CLEC16A: variants seen among roughly 807,000 people sequenced by gnomAD.
CLEC16A encodes the protein C-type lectin domain containing 16A, also known as protein CLEC16A.
Under a neutral mutation model 109.5 loss-of-function variants are expected in CLEC16A, and 51 were observed. The observed-to-expected ratio is 0.47, with a 90% CI of 0.37 to 0.59. The LOEUF (loss-of-function observed/expected upper bound fraction) is 0.59. CLEC16A is among the 20% of genes least tolerant of loss of function. The pLI is 0.00. For synonymous variants in CLEC16A, 673 were observed against 564.2 expected (o/e 1.19, Z -2.73); for missense variants, 1,339 against 1,394.0 (o/e 0.96, Z 0.63).
chr16:11,054,203 G>T (rs76332866), intron 18 of CLEC16A, among the ~76,000 whole-genome samples: 267 of 152,354 alleles, frequency 1.8e-3, no homozygotes, highest in Non-Finnish European at 3.3e-3. Flanking sequence ...TGCCCTGCTG[G>T]GCTGGGGCAG....
At chr16:10,955,420 T>C (rs1414604629) in intron 1 of CLEC16A, among the ~76,000 whole-genome samples, 1 of 151,860 alleles carries the variant, frequency 6.6e-6, no homozygotes, top group African/African-American at 2.4e-5. Context: ...CAAATGAGGG[T>C]GGGCTGTGCA....
intron 6 of CLEC16A, 31 bp from the exon 7 acceptor site, chr16:10,972,907 G>T: frequency 2.6e-6 from 4 of 1,544,304 alleles, no homozygotes; most frequent in East Asian, 2.3e-5. Flanking sequence ...TTGGTAGCTT[G>T]ACTTTTTTTT....
chr16:11,163,111 C>A (rs1444578788), intron 22 of CLEC16A, among the ~76,000 whole-genome samples: 2 of 152,238 alleles, frequency 1.3e-5, no homozygotes, highest in Admixed American at 1.3e-4. Context: ...AAGCCTCTGG[C>A]ACCTCTGCCA....
chr16:10,989,784 C>G (rs933734316), intron 10 of CLEC16A, among the ~76,000 whole-genome samples: 2 of 152,176 alleles, frequency 1.3e-5, no homozygotes, highest in African/African-American at 2.4e-5. Context: ...GAGCCAGTGG[C>G]TAGGAAAGTA....
In CLEC16A at chr16:11,003,159, G is replaced by T; in HGVS notation, c.1157G>T (p.Arg386Leu). The change falls in exon 11 of 24, where the codon CGG becomes CTG. Residue 386 changes from arginine to leucine, a missense_variant. Around this residue, in one of 3 missense-constraint regions of CLEC16A, gnomAD observed 1,061 missense variants for 1,006.8 expected, o/e 1.05. Transcript: ENST00000409790. ...LEMNKHKGKR[R>L]VQKRPNYKNV... is the part of the protein sequence containing the mutation. ...ATGAACAAGCACAAGGGCAAGAGGC[G>T]GGTGCAAAAGAGACCCAACTACAAA... The T allele has an allele frequency of 6.2e-7, 1 of 1,613,340 alleles. No individual in the cohort carries two copies.
intron 1 of CLEC16A, among the ~76,000 whole-genome samples, chr16:10,956,793 C>CTTAT (rs60491400): frequency 0.01 from 1,537 of 151,856 alleles, 18 homozygotes; most frequent in African/African-American, 0.028. Flanking sequence ...CTCTGCAGCC[C>CTTAT]TTATTTATTT....
At chr16:11,127,188 C>T (rs978966949) in intron 22 of CLEC16A, among the ~76,000 whole-genome samples, 1 of 152,168 alleles carries the variant, frequency 6.6e-6, no homozygotes, top group African/African-American at 2.4e-5. Context: ...TTGTTTTTTA[C>T]ACATGGGGTA....
intron 13 of CLEC16A, among the ~76,000 whole-genome samples, chr16:11,036,896 G>A (rs563168403): frequency 1.3e-5 from 2 of 152,270 alleles, no homozygotes; most frequent in Admixed American, 6.5e-5. Flanking sequence ...ATGAAGTCAT[G>A]CTCAAACTAA....
At chr16:11,103,766 C>T (rs1326647986) in intron 19 of CLEC16A, among the ~76,000 whole-genome samples, 1 of 152,068 alleles carries the variant, frequency 6.6e-6, no homozygotes, top group Non-Finnish European at 1.5e-5. Context: ...CAAGTCTTAC[C>T]CATCTCTGTG....
chr16:11,029,320 C>A (rs991590752), intron 13 of CLEC16A, among the ~76,000 whole-genome samples: 1 of 152,152 alleles, frequency 6.6e-6, no homozygotes, highest in African/African-American at 2.4e-5. Flanking sequence ...GCAGGTCTTT[C>A]CCTTTCTTCA....
At chr16:10,957,754 T>C in intron 1 of CLEC16A, 28 bp from the exon 2 acceptor site, 1 of 1,613,042 alleles carries the variant, frequency 6.2e-7, no homozygotes, top group Non-Finnish European at 8.5e-7. Context: ...TGGTAACCTT[T>C]AATTTCCTTT....
At chr16:10,993,320 A>G (rs1431329506) in intron 10 of CLEC16A, among the ~76,000 whole-genome samples, 1 of 152,180 alleles carries the variant, frequency 6.6e-6, no homozygotes, top group Non-Finnish European at 1.5e-5. Flanking sequence ...CGGAGGTTGC[A>G]GTGAGCCATG....
At chr16:10,977,452 G>T in intron 8 of CLEC16A, 53 bp downstream of exon 8, 1 of 1,513,270 alleles carries the variant, frequency 6.6e-7, no homozygotes, top group Non-Finnish European at 9.1e-7. Flanking sequence ...AAGTGGGGAA[G>T]AACAGTCCCC....
chr16:11,008,970 G>A (rs1567188965), intron 11 of CLEC16A, among the ~76,000 whole-genome samples: 1 of 152,152 alleles, frequency 6.6e-6, no homozygotes, highest in Non-Finnish European at 1.5e-5. Context: ...CTGCACTCCA[G>A]CCTGGGCAGC....
intron 11 of CLEC16A, among the ~76,000 whole-genome samples, chr16:11,005,403 A>G (rs1018625722): frequency 2.9e-4 from 44 of 152,144 alleles, no homozygotes; most frequent in African/African-American, 1.0e-3. Flanking sequence ...ATCGTGCCAC[A>G]CAGGACCCAG....
At position 11,123,899 on chromosome 16, in the gene CLEC16A, C is replaced by T. The variant is rs372460420; in HGVS notation, c.2426C>T (p.Ala809Val). The T allele has an allele frequency of 1.2e-6, 2 of 1,613,738 alleles. No individual in the cohort carries two copies. Among genetic ancestry groups the T allele is most frequent in the Non-Finnish European group, 1.7e-6 (2 of 1,179,862 alleles). Residue 809 changes from alanine (A) to valine (V), a missense_variant, in exon 21 of 24, where the codon GCC becomes GTC. By Grantham distance (64) the Ala-to-Val change is moderately conservative. Transcript: ENST00000409790. Reference protein sequence around the residue: ...IRCIIAKQRLAKGRIQARRMK... With the variant: ...IRCIIAKQRLVKGRIQARRMK... ...TGCATCATCGCCAAGCAGCGCCTGG[C>T]CAAAGGCCGCATCCAGGCAAGGCGC...
intron 17 of CLEC16A, among the ~76,000 whole-genome samples, chr16:11,050,340 A>C (rs930603449): frequency 1.3e-5 from 2 of 152,250 alleles, no homozygotes; most frequent in Admixed American, 6.5e-5. Context: ...GGACACGTTC[A>C]AACCATAGCA....
chr16:10,979,388 C>A lies in CLEC16A; in HGVS notation c.957+6C>A. 6.2e-7 allele frequency: 1 copy of A among 1,612,314 alleles called. No individual in the cohort carries two copies. The highest frequency in any genetic ancestry group is 8.5e-7 in the Non-Finnish European group (1 of 1,179,248). On this transcript the variant is annotated splice_donor_region_variant and intron_variant, in intron 9 of 23. Coordinates refer to ENST00000409790, the MANE Select transcript of CLEC16A (RefSeq NM_015226.3). The stretch of plus-strand genomic sequence containing the variant: ...CTCTTTATCTTCTGTCACAGGTATG[C>A]TTGATCATTCACCAATGTCCCCACT...
At chr16:11,048,776 C>G (rs1256091337) in intron 17 of CLEC16A, among the ~76,000 whole-genome samples, 9 of 152,132 alleles carry the variant, frequency 5.9e-5, no homozygotes, top group Non-Finnish European at 1.3e-4. Flanking sequence ...AGTCTTCCAC[C>G]CTTCAGACCA....
Sources: gnomAD v4.1 joint callset for allele counts (sites outside exome capture counted in the v4.1 genomes callset) on GRCh38, gnomAD v4.1.1 for gene constraint, gnomAD v4.1.1 regional missense constraint, MANE v1.5 for transcripts, NCBI Gene and HGNC (gene_info 2026-07-23, HGNC 2026-07-21) for gene names.